The following ADARB2 variants were observed in gnomAD, a reference collection of about 807,000 sequenced individuals.
The protein encoded by ADARB2 is adenosine deaminase RNA specific B2 (inactive).
ADARB2 carries 25 observed loss-of-function variants against 62.2 expected under a neutral mutation model. That is an observed-to-expected ratio of 0.40 (90% CI 0.29 to 0.56). The LOEUF (loss-of-function observed/expected upper bound fraction) is 0.56. Among genes scored for constraint, ADARB2 ranks in the 20% least tolerant of loss-of-function variants. The pLI, the probability that ADARB2 is intolerant of heterozygous loss-of-function variation, is 0.43. For synonymous variants in ADARB2, 572 were observed against 500.8 expected, an observed-to-expected ratio of 1.14 and a Z score of -1.90; for missense variants, 1,071 against 1,077.4, an observed-to-expected ratio of 0.99 and a Z score of 0.08.
intron 3 of ADARB2, among the ~76,000 whole-genome samples, chr10:1,274,055 C>T (rs933096796): frequency 2.0e-5 from 3 of 152,228 alleles, no homozygotes; most frequent in East Asian, 1.9e-4. Context: ...TCTAGAAAGC[C>T]TTGTCCAAAG....
At chr10:1,341,514 T>C (rs1244200532) in intron 3 of ADARB2, among the ~76,000 whole-genome samples, 2 of 139,764 alleles carry the variant, frequency 1.4e-5, no homozygotes, top group African/African-American at 5.7e-5. Flanking sequence ...GAGAACCACA[T>C]GCCCCACAGC....
At chr10:1,661,077 G>A (rs1003280730) in intron 1 of ADARB2, among the ~76,000 whole-genome samples, 1 of 152,084 alleles carries the variant, frequency 6.6e-6, no homozygotes, top group African/African-American at 2.4e-5. Context: ...CCTGCGATAA[G>A]CTCCCCTCCC....
At chr10:1,703,567 A>G (rs6560764) in intron 1 of ADARB2, among the ~76,000 whole-genome samples, 149,044 of 152,270 alleles carry the variant, frequency 0.98, 73,037 homozygotes, top group East Asian at 1. Flanking sequence ...ATGTGGAGTC[A>G]CATCTCCCTT....
At position 1,565,849 on chromosome 10, in the gene ADARB2, C is replaced by T. The variant is rs745767031; in HGVS notation, c.100+171202G>A. ...CTGTCTTGGAGGTTCGGTGTGTTCA[C>T]GCGCTTCTCCGTGGTGGGCAGCATT... On this transcript the variant is annotated intron_variant, in intron 1 of 9. Transcript: ENST00000381312. 7.6e-4 allele frequency among the ~76,000 whole-genome samples: 116 copies of T among 152,108 alleles called. 1 individual carries two copies. The highest frequency in any genetic ancestry group is 6.3e-4 in the South Asian group (3 of 4,800).
intron 1 of ADARB2, among the ~76,000 whole-genome samples, chr10:1,455,050 T>C (rs1831081384): frequency 6.6e-6 from 1 of 152,198 alleles, no homozygotes; most frequent in East Asian, 1.9e-4. Context: ...CCTTTAGGGC[T>C]TTTCCCCCTC....
chr10:1,361,273 A>C (rs1832252304), intron 3 of ADARB2: 1 of 151,408 alleles, frequency 6.6e-6, no homozygotes, highest in South Asian at 2.1e-4. Flanking sequence ...GAGAGTGTAG[A>C]AACAGGGTGA....
intron 1 of ADARB2, among the ~76,000 whole-genome samples, chr10:1,595,532 C>T (rs1370686559): frequency 1.3e-5 from 2 of 152,228 alleles, no homozygotes; most frequent in African/African-American, 4.8e-5. Flanking sequence ...CCATGGCTGC[C>T]ATCAGGGTCA....
chr10:1,722,481 G>A lies in ADARB2; in HGVS notation c.100+14570C>T, dbSNP rs575664701. On this transcript the variant is annotated intron_variant, in intron 1 of 9. Coordinates refer to ENST00000381312, the MANE Select transcript of ADARB2 (RefSeq NM_018702.4). ...AACACACAGGGGCACACAAGGGAACGCAGTAGGTCCTCATTGTAAATCTAC... is the reference window on the plus strand; with the variant it reads ...AACACACAGGGGCACACAAGGGAACACAGTAGGTCCTCATTGTAAATCTAC... Among the ~76,000 whole-genome samples, 93 of 152,332 alleles carry A rather than the reference G, an allele frequency of 6.1e-4. No homozygotes were observed. The South Asian group carries it at 0.017, about 28-fold the overall frequency.
At chr10:1,653,758 C>T (rs140695308) in intron 1 of ADARB2, among the ~76,000 whole-genome samples, 187 of 152,348 alleles carry the variant, frequency 1.2e-3, no homozygotes, top group Non-Finnish European at 2.2e-3. Context: ...GGCCCAATGC[C>T]ATGGACACAG....
intron 3 of ADARB2, among the ~76,000 whole-genome samples, chr10:1,323,480 T>C (rs1831814514): frequency 6.6e-6 from 1 of 152,186 alleles, no homozygotes; most frequent in Admixed American, 6.5e-5. Context: ...TTCTAAAATA[T>C]GTATATAAAT....
At chr10:1,578,319 T>C (rs752347025) in intron 1 of ADARB2, among the ~76,000 whole-genome samples, 1 of 151,894 alleles carries the variant, frequency 6.6e-6, no homozygotes, top group African/African-American at 2.4e-5. Flanking sequence ...ATTGCGTTAC[T>C]AAAATTTTCT....
rs1452164794 is a variant in ADARB2, at chr10:1,597,321, CAG to C, written c.100+139728_100+139729del. Reference sequence around the variant, plus strand: ...CATCTTTAAGGCAATTCCCAATTGACAGAGTAAACAGACAACCTACAGAATAG... The same window carrying C: ...CATCTTTAAGGCAATTCCCAATTGACAGTAAACAGACAACCTACAGAATAG... On this transcript the variant is annotated intron_variant, in intron 1 of 9. Coordinates refer to ENST00000381312, the MANE Select transcript of ADARB2 (RefSeq NM_018702.4). Among the ~76,000 whole-genome samples the C allele has an allele frequency of 2.0e-5, 3 of 152,216 alleles. No homozygotes were observed. In the East Asian group the frequency reaches 5.8e-4, roughly 29 times the overall value.
rs1250054523 is a variant in ADARB2 at position 1,398,754 on chromosome 10, G to A, written c.101-19594C>T. 1.3e-5 allele frequency among the ~76,000 whole-genome samples: 2 copies of A among 152,124 alleles called. No individual in the cohort carries two copies. The highest frequency in any genetic ancestry group is 6.5e-5 in the Admixed American group (1 of 15,274). On this transcript the variant is annotated intron_variant, in intron 1 of 9. Transcript: ENST00000381312. This position sits in a 1 kb window ranked among gnomAD's most constrained non-coding sequence, Gnocchi z 4.1. ...CTGACCCTCAAATTACCCAGCTCTC[G>A]GCTCTGCGTGGATTGGCGTGCCCGT...
intron 3 of ADARB2, among the ~76,000 whole-genome samples, chr10:1,335,517 G>A (rs1393514969): frequency 1.3e-5 from 2 of 151,584 alleles, no homozygotes; most frequent in African/African-American, 4.9e-5. Flanking sequence ...ATGGATGGAT[G>A]GATGGATGGA....
chr10:1,643,221 A>G (rs1451948926), intron 1 of ADARB2, among the ~76,000 whole-genome samples: 1 of 152,236 alleles, frequency 6.6e-6, no homozygotes, highest in African/African-American at 2.4e-5. Context: ...AAACACAGAA[A>G]AAACAGATTT....
At chr10:1,554,855 G>A (rs1375609734) in intron 1 of ADARB2, among the ~76,000 whole-genome samples, 1 of 152,098 alleles carries the variant, frequency 6.6e-6, no homozygotes, top group African/African-American at 2.4e-5. Flanking sequence ...CAGGTAGTGA[G>A]CATAGAACCC....
intron 6 of ADARB2, among the ~76,000 whole-genome samples, chr10:1,221,167 T>G (rs1013456236): frequency 6.6e-6 from 1 of 152,178 alleles, no homozygotes; most frequent in African/African-American, 2.4e-5. Flanking sequence ...ATAAATGATC[T>G]GTAGTGGATT....
At chr10:1,254,886 C>T (rs924885202) in intron 4 of ADARB2, among the ~76,000 whole-genome samples, 2 of 152,232 alleles carry the variant, frequency 1.3e-5, no homozygotes, top group Non-Finnish European at 2.9e-5. Context: ...ATTTGCTGTA[C>T]CTGAGCTTCA....
intron 4 of ADARB2, among the ~76,000 whole-genome samples, chr10:1,250,648 C>T (rs1447402629): frequency 6.6e-6 from 1 of 152,162 alleles, no homozygotes; most frequent in African/African-American, 2.4e-5. Context: ...CTTAAACTTC[C>T]CAGCCTGCAG....
Sources: allele counts gnomAD v4.1 joint callset (sites outside exome capture counted in the v4.1 genomes callset), GRCh38; gene constraint gnomAD v4.1.1; non-coding constraint Gnocchi (gnomAD v3.1); transcripts MANE v1.5; gene names NCBI Gene and HGNC (gene_info 2026-07-23, HGNC 2026-07-21).